TJP1: variants seen among roughly 807,000 people sequenced by gnomAD.
TJP1 encodes the protein tight junction protein 1.
Under a neutral mutation model 194.2 loss-of-function variants are expected in TJP1, and 43 were observed. The observed-to-expected ratio is 0.22, with a 90% CI of 0.17 to 0.29. The LOEUF (loss-of-function observed/expected upper bound fraction) is 0.29. Among genes scored for constraint, TJP1 ranks in the 10% least tolerant of loss-of-function variants. TJP1 has a pLI of 1.00. For missense variants in TJP1, 1,971 were observed against 2,185.7 expected (o/e 0.90, Z 1.96); for synonymous variants, 801 against 779.0 (o/e 1.03, Z -0.47).
rs150620974 is a variant in TJP1 at position 29,801,975 on chromosome 15, G to A, written c.28-1273C>T. Among the ~76,000 whole-genome samples, 81 of 152,160 alleles carry A rather than the reference G, an allele frequency of 5.3e-4. 2 individuals carry two copies. In the East Asian group the frequency reaches 9.3e-3, roughly 17 times the overall value. On this transcript the variant is annotated intron_variant, in intron 1 of 27. Coordinates refer to ENST00000614355, the MANE Select transcript of TJP1 (RefSeq NM_001330239.4). ...GGGCCGCATGCGACCTGTGAACCAC[G>A]GGTTGGACAAGGTTGATCTAAGGAA... is the stretch of plus-strand genomic sequence containing the variant.
At chr15:29,828,346 C>A (rs2050735732) in intron 2 of TJP1, among the ~76,000 whole-genome samples, 1 of 151,930 alleles carries the variant, frequency 6.6e-6, no homozygotes, top group Non-Finnish European at 1.5e-5. Context: ...AATATGGGTG[C>A]ATTATAGTTT....
At chr15:29,949,501 AACCACCACCTCCACCTCCACC>A (rs2055492706) in intron 2 of TJP1, among the ~76,000 whole-genome samples, 7 of 18,926 alleles carry the variant, frequency 3.7e-4, no homozygotes, top group African/African-American at 1.6e-3. Flanking sequence ...CCACCTCCAC[AACCACCACCTCCACCTCCACC>A]ACCACCACCT....
chr15:29,961,167 A>ACTCTT (rs1332084192), intron 1 of TJP1, among the ~76,000 whole-genome samples: 1 of 151,700 alleles, frequency 6.6e-6, no homozygotes, highest in Admixed American at 6.6e-5. Flanking sequence ...CCCTGGTACT[A>ACTCTT]CTCTTCCCCA....
In TJP1 at chr15:29,718,009, A is replaced by G; in HGVS notation, c.3974+12T>C. On this transcript the variant is annotated intron_variant, in intron 22 of 27. Transcript: ENST00000614355. ...TCAGTTCTATGCCACAAAGAGCACAAAGTGTACTCACCTGTACAGAGTTTT... is the reference window on the plus strand; with the variant it reads ...TCAGTTCTATGCCACAAAGAGCACAGAGTGTACTCACCTGTACAGAGTTTT... The G allele has an allele frequency of 5.0e-6, 8 of 1,603,506 alleles. No individual in the cohort carries two copies. The highest frequency in any genetic ancestry group is 6.8e-6 in the Non-Finnish European group (8 of 1,174,782).
chr15:29,732,432 C>T lies in TJP1; in HGVS notation c.2017+1G>A. On this transcript the variant is annotated splice_donor_variant, in intron 15 of 27. Transcript: ENST00000614355. LOFTEE classifies it high-confidence loss of function. Reference sequence around the variant, plus strand: ...TTTAAGTTAGCCTTGAGGCTACTTACTTGCAATTTGATAAATATCTGGTTC... The same window carrying T: ...TTTAAGTTAGCCTTGAGGCTACTTATTTGCAATTTGATAAATATCTGGTTC... 1 of 1,612,762 alleles carries T rather than the reference C, an allele frequency of 6.2e-7. No individual in the cohort carries two copies. Among genetic ancestry groups the T allele is most frequent in the Non-Finnish European group, 8.5e-7 (1 of 1,179,864 alleles).
chr15:29,780,246 T>C (rs2047277643), intron 2 of TJP1, among the ~76,000 whole-genome samples: 1 of 151,948 alleles, frequency 6.6e-6, no homozygotes, highest in Non-Finnish European at 1.5e-5. Flanking sequence ...CACCATATTG[T>C]AGAATCAGTG....
At chr15:29,833,856 A>AGT (rs2050914151) in intron 2 of TJP1, among the ~76,000 whole-genome samples, 2 of 37,480 alleles carry the variant, frequency 5.3e-5, no homozygotes, top group Non-Finnish European at 1.1e-4. Flanking sequence ...AATTTTTGTA[A>AGT]GTATATATAT....
chr15:29,750,746 T>C (rs1252093202), intron 8 of TJP1, among the ~76,000 whole-genome samples: 1 of 152,156 alleles, frequency 6.6e-6, no homozygotes. Context: ...CAACTCCCCA[T>C]TACAAATTAA....
Position 29,708,645 on chromosome 15 carries a change from A to G in TJP1, c.4764T>C (p.Ser1588=), listed in dbSNP as rs1322558073. Residue 1588 remains serine (S), a synonymous_variant, in exon 25 of 28, where the codon AGT becomes AGC. Transcript: ENST00000614355. ...HSLAQPPEFD[S]GVETFSIHAE... ...CATGGATAGAGAAAGTTTCAACTCC[A>G]CTGTCAAACTCAGGAGGCTGTGCCA... is the stretch of plus-strand genomic sequence containing the variant. The G allele has an allele frequency of 6.2e-7, 1 of 1,614,218 alleles. No individual in the cohort carries two copies. Among genetic ancestry groups the G allele is most frequent in the Admixed American group, 1.7e-5 (1 of 60,032 alleles).
chr15:29,928,419 G>C (rs758572658), intron 2 of TJP1, among the ~76,000 whole-genome samples: 1 of 150,202 alleles, frequency 6.7e-6, no homozygotes, highest in Non-Finnish European at 1.5e-5. Flanking sequence ...CTCATAAGCT[G>C]CTGGTACAAC....
In TJP1 at chr15:29,734,300, G is replaced by C; in HGVS notation, c.1490C>G (p.Thr497Ser). 6.2e-7 allele frequency: 1 copy of C among 1,611,454 alleles called. No homozygotes were observed. Among genetic ancestry groups the C allele is most frequent in the Non-Finnish European group, 8.5e-7 (1 of 1,179,176 alleles). Residue 497 changes from threonine (T) to serine (S), a missense_variant, in exon 12 of 28, where the codon ACC becomes AGC. By Grantham distance (58) the Thr-to-Ser change is moderately conservative. Around this residue, in one of 5 missense-constraint regions of TJP1, gnomAD observed 402 missense variants for 484.2 expected, o/e 0.83. Transcript: ENST00000614355. ...ATCCTTCTTCTTCTGAGCCAATATG[G>C]TCACTTCTTCTCCTTTAGGGAGGTC... is the stretch of plus-strand genomic sequence containing the variant. ...LLDLPKGEEV[T>S]ILAQKKKDVY...
At chr15:29,878,635 T>C (rs1364478745) in intron 2 of TJP1, among the ~76,000 whole-genome samples, 1 of 152,156 alleles carries the variant, frequency 6.6e-6, no homozygotes, top group African/African-American at 2.4e-5. Flanking sequence ...GAAGCATCTT[T>C]GAAAGGTGTC....
At chr15:29,869,129 T>C (rs1416108085) in intron 2 of TJP1, among the ~76,000 whole-genome samples, 1 of 152,206 alleles carries the variant, frequency 6.6e-6, no homozygotes, top group Non-Finnish European at 1.5e-5. Flanking sequence ...TCACTCCTTA[T>C]ACCAAAATTA....
intron 26 of TJP1, among the ~76,000 whole-genome samples, chr15:29,705,213 C>G (rs2041816763): frequency 6.6e-6 from 1 of 152,236 alleles, no homozygotes; most frequent in Admixed American, 6.5e-5. Flanking sequence ...TCCAGAGACG[C>G]AAAGGCTGAC....
At chr15:29,945,251 C>T (rs1007520771) in intron 2 of TJP1, among the ~76,000 whole-genome samples, 2 of 152,150 alleles carry the variant, frequency 1.3e-5, no homozygotes, top group South Asian at 2.1e-4. Flanking sequence ...GTGTAGACAA[C>T]GTGTAGCACA....
intron 24 of TJP1, among the ~76,000 whole-genome samples, chr15:29,710,297 A>G (rs2042160949): frequency 6.6e-6 from 1 of 152,206 alleles, no homozygotes; most frequent in South Asian, 2.1e-4. Flanking sequence ...AAGACTCACA[A>G]GCCCAAGGAG....
chr15:29,942,275 A>ATCAAC (rs2055106950), intron 2 of TJP1, among the ~76,000 whole-genome samples: 1 of 152,216 alleles, frequency 6.6e-6, no homozygotes, highest in South Asian at 2.1e-4. Flanking sequence ...GAGATGAGAG[A>ATCAAC]TGATGGCACA....
chr15:29,821,345 C>T (rs2050329665), intron 1 of TJP1: 1 of 152,164 alleles, frequency 6.6e-6, no homozygotes, highest in Non-Finnish European at 1.5e-5. Context: ...CGTAGGAATA[C>T]TTTGTATTAC....
chr15:29,863,242 G>A lies in TJP1; in HGVS notation c.307-62540C>T, dbSNP rs184914132. The stretch of plus-strand genomic sequence containing the variant: ...ACCCAGGAGGCGGATGTTGCAGTGA[G>A]CCCAGACCGTGCCGCTGCACTCCAG... On this transcript the variant is annotated intron_variant, in intron 2 of 28. Transcript: ENST00000356107. 9.7e-4 allele frequency among the ~76,000 whole-genome samples: 148 copies of A among 152,110 alleles called. 1 individual carries two copies. The highest frequency in any genetic ancestry group is 3.4e-3 in the African/African-American group (143 of 41,532).
Sources: gnomAD v4.1 joint callset for allele counts (sites outside exome capture counted in the v4.1 genomes callset) on GRCh38, gnomAD v4.1.1 for gene constraint, gnomAD v4.1.1 regional missense constraint, MANE v1.5 for transcripts, NCBI Gene and HGNC (gene_info 2026-07-23, HGNC 2026-07-21) for gene names.